The following IL34 variants were observed in gnomAD, a reference collection of about 807,000 sequenced individuals.
IL34 encodes interleukin-34.
IL34 carries 17 observed loss-of-function variants against 25.3 expected under a neutral mutation model. The observed-to-expected ratio is 0.67, with a 90% CI of 0.46 to 1.01. IL34 has a LOEUF of 1.01. Among genes scored for constraint, IL34 ranks in the 50% least tolerant of loss-of-function variants. The pLI, the probability that IL34 is intolerant of heterozygous loss-of-function variation, is 0.00. For missense variants in IL34, 368 were observed against 312.9 expected (o/e 1.18, Z -1.33); for synonymous variants, 174 against 140.9 (o/e 1.23, Z -1.66).
At chr16:70,634,320 A>G (rs2051590174) in intron 1 of IL34, among the ~76,000 whole-genome samples, 3 of 152,304 alleles carry the variant, frequency 2.0e-5, no homozygotes, top group Middle Eastern at 6.8e-3. Flanking sequence ...TGTTCAACCC[A>G]GTACAGATAT....
chr16:70,658,835 C>G (rs988098884), intron 4 of IL34, among the ~76,000 whole-genome samples: 1 of 152,222 alleles, frequency 6.6e-6, no homozygotes, highest in African/African-American at 2.4e-5. Flanking sequence ...ACAAGGACAT[C>G]AGGCATTGGA....
At chr16:70,653,525 C>G (rs1005855652) in intron 1 of IL34, among the ~76,000 whole-genome samples, 1 of 152,000 alleles carries the variant, frequency 6.6e-6, no homozygotes, top group African/African-American at 2.4e-5. Context: ...ATGGCGATAC[C>G]AGGTCTCTAC....
At chr16:70,580,469 G>A (rs2050624582) in intron 1 of IL34, among the ~76,000 whole-genome samples, 2 of 152,322 alleles carry the variant, frequency 1.3e-5, no homozygotes, top group African/African-American at 4.8e-5. Flanking sequence ...TCACTTGCAT[G>A]TATTACTTTA....
Position 70,660,274 on chromosome 16 carries a change from T to A in IL34, c.*87T>A, listed in dbSNP as rs993058245. 2.4e-5 allele frequency: 31 copies of A among 1,283,332 alleles called. No homozygotes were observed. Among genetic ancestry groups the A allele is most frequent in the Non-Finnish European group, 3.1e-5 (29 of 949,480 alleles). 79.5% of individuals were successfully genotyped at this position (1,283,332 alleles called of 1,614,324 possible). A position where few individuals can be genotyped will look rare whatever the true frequency, so the allele number is the denominator to read the frequency against. On this transcript the variant is annotated 3_prime_UTR_variant, in exon 6 of 6. Coordinates refer to ENST00000288098, the MANE Select transcript of IL34 (RefSeq NM_001393494.1). ...GGTCTGAGACTTCAAGGGGTGGTGG[T>A]GGGAGCCCCCCTTGGGAGAGGACCC...
chr16:70,600,255 C>T (rs2050895931), intron 1 of IL34, among the ~76,000 whole-genome samples: 1 of 152,160 alleles, frequency 6.6e-6, no homozygotes, highest in Admixed American at 6.6e-5. Flanking sequence ...TGCTTGACCA[C>T]CTTGGTCAAC....
chr16:70,655,561 C>CT (rs199730756), intron 2 of IL34, among the ~76,000 whole-genome samples: 8 of 150,986 alleles, frequency 5.3e-5, no homozygotes, highest in East Asian at 1.9e-4. Flanking sequence ...CTAATTAAAA[C>CT]TTTTTTTTTG....
At chr16:70,645,128 A>G (rs1379854423), upstream of IL34, among the ~76,000 whole-genome samples, 3 of 137,020 alleles carry the variant, frequency 2.2e-5, no homozygotes, top group East Asian at 2.3e-4. Flanking sequence ...AGAGGGAGGA[A>G]GGAGGAAGAC....
chr16:70,594,934 T>C (rs2050798815), intron 1 of IL34, among the ~76,000 whole-genome samples: 1 of 143,692 alleles, frequency 7.0e-6, no homozygotes, highest in Admixed American at 6.6e-5. Context: ...CATTTCAATT[T>C]ATCTCTCTCT....
chr16:70,642,294 CTTTTTTTTTTT>C (rs531744889), upstream of IL34, among the ~76,000 whole-genome samples: 12 of 116,938 alleles, frequency 1.0e-4, no homozygotes, highest in East Asian at 2.5e-3. Context: ...ACTCTGATGT[CTTTTTTTTTTT>C]TTTTTTTTTT....
chr16:70,634,098 G>C (rs564102927), intron 1 of IL34, among the ~76,000 whole-genome samples: 1 of 151,202 alleles, frequency 6.6e-6, no homozygotes, highest in Non-Finnish European at 1.5e-5. Flanking sequence ...TGATCTGCCC[G>C]CCTCGGCCTC....
intron 1 of IL34, among the ~76,000 whole-genome samples, chr16:70,624,703 G>T (rs1199694061): frequency 6.6e-6 from 1 of 152,052 alleles, no homozygotes; most frequent in Non-Finnish European, 1.5e-5. Context: ...TTGCTGGACA[G>T]GTGGGGAAGG....
chr16:70,630,434 G>A (rs1466077756), intron 1 of IL34, among the ~76,000 whole-genome samples: 2 of 151,622 alleles, frequency 1.3e-5, no homozygotes, highest in Non-Finnish European at 2.9e-5. Context: ...GTTTCACCAT[G>A]TTGGGCAGGC....
intron 1 of IL34, among the ~76,000 whole-genome samples, chr16:70,641,401 AAAG>A (rs1408620012): frequency 1.3e-5 from 2 of 152,338 alleles, no homozygotes; most frequent in African/African-American, 2.4e-5. Context: ...CTGTATACTT[AAAG>A]AAGGTGAGCT....
chr16:70,620,138 A>G (rs925910084), intron 1 of IL34, among the ~76,000 whole-genome samples: 2 of 152,154 alleles, frequency 1.3e-5, no homozygotes, highest in Admixed American at 1.3e-4. Flanking sequence ...TTGGAGTTTT[A>G]TTTAATGTCG....
chr16:70,587,526 G>A (rs754302140), intron 1 of IL34, among the ~76,000 whole-genome samples: 37 of 151,744 alleles, frequency 2.4e-4, no homozygotes, highest in Non-Finnish European at 3.2e-4. Context: ...CCGCCTCGGC[G>A]TCCCAAAGGG....
chr16:70,608,626 T>C (rs2051046437), intron 1 of IL34, among the ~76,000 whole-genome samples: 1 of 152,180 alleles, frequency 6.6e-6, no homozygotes, highest in African/African-American at 2.4e-5. Context: ...CTCCAGACAC[T>C]ATAGCCTCTG....
chr16:70,630,221 T>C (rs1415022871), intron 1 of IL34, among the ~76,000 whole-genome samples: 1 of 152,190 alleles, frequency 6.6e-6, no homozygotes, highest in East Asian at 1.9e-4. Flanking sequence ...GTATATGTTC[T>C]ACATTTTCTT....
chr16:70,660,249 G>A lies in IL34; in HGVS notation c.*62G>A. On this transcript the variant is annotated 3_prime_UTR_variant, in exon 6 of 6. Transcript: ENST00000288098. Reference sequence around the variant, plus strand: ...ACCAGCTCCCACAGGAGTTCAACTGGGTCTGAGACTTCAAGGGGTGGTGGT... The same window carrying A: ...ACCAGCTCCCACAGGAGTTCAACTGAGTCTGAGACTTCAAGGGGTGGTGGT... The A allele has an allele frequency of 7.0e-7, 1 of 1,434,418 alleles. No individual in the cohort carries two copies. The highest frequency in any genetic ancestry group is 9.3e-7 in the Non-Finnish European group (1 of 1,073,770). The allele number at this position is 1,434,418 out of a possible 1,614,324, so 88.9% of individuals were successfully genotyped here. A position where few individuals can be genotyped will look rare whatever the true frequency, so the allele number is the denominator to read the frequency against.
At chr16:70,596,315 A>G (rs1301815862) in intron 1 of IL34, among the ~76,000 whole-genome samples, 1 of 152,210 alleles carries the variant, frequency 6.6e-6, no homozygotes, top group African/African-American at 2.4e-5. Context: ...TGGGGGAGAC[A>G]CAGATATTCA....
Sources: allele counts gnomAD v4.1 joint callset (sites outside exome capture counted in the v4.1 genomes callset), GRCh38; gene constraint gnomAD v4.1.1; transcripts MANE v1.5; gene names NCBI Gene and HGNC (gene_info 2026-07-23, HGNC 2026-07-21).